Variants in EHMT2 observed in about 807,000 individuals in gnomAD.
The protein encoded by EHMT2 is histone-lysine N-methyltransferase EHMT2.
EHMT2 carries 59 observed loss-of-function variants against 143.3 expected under a neutral mutation model. The ratio of observed to expected loss-of-function variants is 0.41; its 90% confidence interval spans 0.33 to 0.51. The LOEUF (loss-of-function observed/expected upper bound fraction) is 0.51. EHMT2 is among the 20% of genes least tolerant of loss of function. EHMT2 has a pLI of 0.18. For missense variants in EHMT2, 1,174 were observed against 1,645.9 expected (o/e 0.71, Z 4.96); for synonymous variants, 604 against 651.5 (o/e 0.93, Z 1.11).
At chr6:31,892,833 C>T (rs1765882712) in exon 5 of EHMT2, 4 of 1,606,804 alleles carry the variant, frequency 2.5e-6, no homozygotes, top group Admixed American at 1.7e-5. Context: ...GACCTGAGGT[C>T]ACCTTTCCCA....
At position 31,884,286 on chromosome 6, in the gene EHMT2, G is replaced by A; in HGVS notation, c.2771+106C>T. 1 of 1,340,868 alleles carries A rather than the reference G, an allele frequency of 7.5e-7. No individual in the cohort carries two copies. The highest frequency in any genetic ancestry group is 1.0e-6 in the Non-Finnish European group (1 of 984,312). The allele number at this position is 1,340,868 out of a possible 1,614,324, so 83.1% of individuals were successfully genotyped here. ...TGTGGGTGGTTCTGGGGATTCAGTGGTGCATGGGGAGGGGTTGGGGAATGT... is the reference window on the plus strand; with the variant it reads ...TGTGGGTGGTTCTGGGGATTCAGTGATGCATGGGGAGGGGTTGGGGAATGT... On this transcript the variant is annotated intron_variant, in intron 21 of 27. Transcript: ENST00000375537. The surrounding 1 kb of genome is among the most constrained non-coding windows in gnomAD (Gnocchi z 7.3).
At chr6:31,887,201 A>G (rs1433383148) in intron 15 of EHMT2, 100 bp from the exon 16 acceptor site, 5 of 996,082 alleles carry the variant, frequency 5.0e-6, no homozygotes, top group Non-Finnish European at 7.5e-6. Flanking sequence ...CAGGGCCCCA[A>G]GCTGGATCAG....
chr6:31,879,978 G>C, exon 28 of EHMT2: 1 of 1,273,078 alleles, frequency 7.9e-7, no homozygotes, highest in South Asian at 1.4e-5. Context: ...GGGTGGTGGG[G>C]AGAGAAGATG....
At chr6:31,897,134 GC>G in intron 1 of EHMT2, 145 bp from the exon 2 acceptor site, 1 of 1,383,882 alleles carries the variant, frequency 7.2e-7, no homozygotes, top group Non-Finnish European at 9.4e-7. Flanking sequence ...GGCCTCGGCT[GC>G]CCGGAGGGGC....
chr6:31,889,293 C>T lies in EHMT2; in HGVS notation c.1049G>A (p.Ser350Asn), dbSNP rs370577451. Residue 350 changes from serine (S) to asparagine (N), a missense_variant, in exon 9 of 28, where the codon AGC (serine) becomes AAC (asparagine). Coordinates refer to ENST00000375537, the Ensembl canonical transcript of EHMT2. The surrounding 1 kb of genome is among the most constrained non-coding windows in gnomAD (Gnocchi z 5.1). ...TTTCCGAGACGGCTTCACCCATGGGCTGTCTTTTCGCCATTTCTTCTTGGC... is the reference window on the plus strand; with the variant it reads ...TTTCCGAGACGGCTTCACCCATGGGTTGTCTTTTCGCCATTTCTTCTTGGC... The T allele has an allele frequency of 7.2e-5, 116 of 1,612,328 alleles. No homozygotes were observed. The highest frequency in any genetic ancestry group is 9.6e-5 in the Non-Finnish European group (113 of 1,180,016).
At position 31,883,292 on chromosome 6, in the gene EHMT2, C is replaced by G; in HGVS notation, c.2994+70G>C. ...AGGTGAGGGACATGGTCCCAGGGAG[C>G]TGGTTTATTGGAGGCTGGCTCCTCT... is the stretch of plus-strand genomic sequence containing the variant. On this transcript the variant is annotated intron_variant, in intron 23 of 27. Coordinates refer to ENST00000375537, the Ensembl canonical transcript of EHMT2. This position sits in a 1 kb window ranked among gnomAD's most constrained non-coding sequence, Gnocchi z 5.6. 3 of 1,489,698 alleles carry G rather than the reference C, an allele frequency of 2.0e-6. No individual in the cohort carries two copies. Among genetic ancestry groups the G allele is most frequent in the Non-Finnish European group, 2.8e-6 (3 of 1,074,374 alleles). 92.3% of individuals were successfully genotyped at this position (1,489,698 alleles called of 1,614,324 possible).
rs1178333315 is a variant in EHMT2 at position 31,883,475 on chromosome 6, G to C, written c.2917-36C>G. 1.3e-6 allele frequency: 2 copies of C among 1,591,016 alleles called. No individual in the cohort carries two copies. Among genetic ancestry groups the C allele is most frequent in the South Asian group, 2.3e-5 (2 of 88,684 alleles). On this transcript the variant is annotated intron_variant, in intron 22 of 27. Transcript: ENST00000375537. The surrounding 1 kb of genome is among the most constrained non-coding windows in gnomAD (Gnocchi z 5.6). ...GAGGCAGAGGTCAGCTCAACCCCAT[G>C]ATCGGTCTGGGCCCCTCTACTCTTG... is the stretch of plus-strand genomic sequence containing the variant.
chr6:31,884,801 T>C lies in EHMT2; in HGVS notation c.2449-2A>G. The C allele has an allele frequency of 6.3e-7, 1 of 1,595,864 alleles. No individual in the cohort carries two copies. The highest frequency in any genetic ancestry group is 1.3e-5 in the African/African-American group (1 of 74,436). On this transcript the variant is annotated splice_acceptor_variant, in intron 19 of 27. Coordinates refer to ENST00000375537, the Ensembl canonical transcript of EHMT2. LOFTEE classifies it high-confidence loss of function. This position sits in a 1 kb window ranked among gnomAD's most constrained non-coding sequence, Gnocchi z 7.3. ...CCAGTGCAGGCAGATGTTCTCCTCCTGTGGAGGTAGGAGGGGAACAGATGA... is the reference window on the plus strand; with the variant it reads ...CCAGTGCAGGCAGATGTTCTCCTCCCGTGGAGGTAGGAGGGGAACAGATGA...
Position 31,884,833 on chromosome 6 carries a change from G to C in EHMT2, c.2449-34C>G. 3 of 1,579,894 alleles carry C rather than the reference G, an allele frequency of 1.9e-6. No homozygotes were observed. The highest frequency in any genetic ancestry group is 2.6e-6 in the Non-Finnish European group (3 of 1,157,922). On this transcript the variant is annotated intron_variant, in intron 19 of 27. Transcript: ENST00000375537. This position sits in a 1 kb window ranked among gnomAD's most constrained non-coding sequence, Gnocchi z 7.3. ...GTAGGAGGGGAACAGATGAGGTGCA[G>C]GCAGCTGGGCCCTTGAATCCAGCCT...
In EHMT2 at chr6:31,883,080, G is replaced by C. The variant is rs1764324301; in HGVS notation, c.2995-71C>G. 7.2e-7 allele frequency: 1 copy of C among 1,380,942 alleles called. No homozygotes were observed. The highest frequency in any genetic ancestry group is 1.4e-5 in the African/African-American group (1 of 70,126). 85.5% of individuals were successfully genotyped at this position (1,380,942 alleles called of 1,614,324 possible). On this transcript the variant is annotated intron_variant, in intron 23 of 27. Coordinates refer to ENST00000375537, the Ensembl canonical transcript of EHMT2. This position sits in a 1 kb window ranked among gnomAD's most constrained non-coding sequence, Gnocchi z 5.6. Reference sequence around the variant, plus strand: ...TCAGCTGCCCACCCAGGAACCCCAAGACTCTACAGAGACAGGGAAGTTGGG... The same window carrying C: ...TCAGCTGCCCACCCAGGAACCCCAACACTCTACAGAGACAGGGAAGTTGGG...
intron 15 of EHMT2, 32 bp from the exon 16 acceptor site, chr6:31,887,133 G>C (rs1764973974): frequency 1.3e-6 from 2 of 1,562,080 alleles, no homozygotes; most frequent in African/African-American, 2.7e-5. Context: ...CCGGGAGAGG[G>C]AGGGACAAGT....
At position 31,897,284 on chromosome 6, in the gene EHMT2, C is replaced by A. The variant is rs1432647089; in HGVS notation, c.43-295G>T. On this transcript the variant is annotated intron_variant, in intron 1 of 27. Transcript: ENST00000375537. ...GCCCCCTCCTCCCGGCTGCACGCGC[C>A]GCTCCCCCTTTGTCCCCCAGGCCGC... The A allele has an allele frequency of 5.1e-6, 4 of 783,124 alleles. No individual in the cohort carries two copies. The African/African-American group carries it at 7.3e-5, about 14-fold the overall frequency. 48.5% of individuals were successfully genotyped at this position (783,124 alleles called of 1,614,324 possible). A position where few individuals can be genotyped will look rare whatever the true frequency, so the allele number is the denominator to read the frequency against.
chr6:31,886,653 G>A lies in EHMT2; in HGVS notation c.2271C>T (p.His757=), dbSNP rs536360925. ...TCTCCAAGTTCCCGATTTTGGCTGC[G>A]TGGTGGAGGCAGGTGGAACCGTCCT... Residue 757 remains histidine (H), a synonymous_variant, in exon 18 of 28, where the codon CAC becomes CAT. Transcript: ENST00000375537. 27 of 1,613,868 alleles carry A rather than the reference G, an allele frequency of 1.7e-5. 1 individual carries two copies. In the Admixed American group the frequency reaches 3.8e-4, roughly 23 times the overall value.
exon 7 of EHMT2, chr6:31,892,518 C>T (rs1316095279): frequency 1.2e-6 from 2 of 1,612,930 alleles, no homozygotes; most frequent in Admixed American, 3.3e-5. Flanking sequence ...CCCCTTTCGT[C>T]AGGGTCACTT....
In EHMT2 at chr6:31,888,563, C is replaced by A; in HGVS notation, c.1365+36G>T. The stretch of plus-strand genomic sequence containing the variant: ...CGTGAGGCTGGGGCCGGGGACTGGA[C>A]GCCCTGGCACCTCTCCCACCAGCCC... On this transcript the variant is annotated intron_variant, in intron 11 of 27. Coordinates refer to ENST00000375537, the Ensembl canonical transcript of EHMT2. The surrounding 1 kb of genome is among the most constrained non-coding windows in gnomAD (Gnocchi z 7.4). 1 of 1,609,152 alleles carries A rather than the reference C, an allele frequency of 6.2e-7. No homozygotes were observed. The highest frequency in any genetic ancestry group is 8.5e-7 in the Non-Finnish European group (1 of 1,178,442).
exon 4 of EHMT2, chr6:31,896,464 A>G: frequency 6.2e-7 from 1 of 1,613,050 alleles, no homozygotes; most frequent in Non-Finnish European, 8.5e-7. Flanking sequence ...TGGCCCGGCT[A>G]GGACAGGAAC....
In EHMT2 at chr6:31,883,469, C is replaced by T; in HGVS notation, c.2917-30G>A. Reference sequence around the variant, plus strand: ...GGCGAGGAGGCAGAGGTCAGCTCAACCCCATGATCGGTCTGGGCCCCTCTA... The same window carrying T: ...GGCGAGGAGGCAGAGGTCAGCTCAATCCCATGATCGGTCTGGGCCCCTCTA... On this transcript the variant is annotated intron_variant, in intron 22 of 27. Transcript: ENST00000375537. The surrounding 1 kb of genome is among the most constrained non-coding windows in gnomAD (Gnocchi z 5.6). 6.2e-7 allele frequency: 1 copy of T among 1,602,096 alleles called. No homozygotes were observed. The highest frequency in any genetic ancestry group is 8.5e-7 in the Non-Finnish European group (1 of 1,174,284).
At position 31,889,686 on chromosome 6, in the gene EHMT2, C is replaced by G. The variant is rs1046765096; in HGVS notation, c.865-84G>C. ...AAAGAAAACCACCACCACCATTGCC[C>G]CCCGCCACTACCCACGGATGGCTGC... On this transcript the variant is annotated intron_variant, in intron 7 of 27. Transcript: ENST00000375537. This position sits in a 1 kb window ranked among gnomAD's most constrained non-coding sequence, Gnocchi z 5.1. The G allele has an allele frequency of 2.4e-4, 375 of 1,554,212 alleles. 1 individual carries two copies. The African/African-American group carries it at 3.8e-3, about 16-fold the overall frequency.
At position 31,884,095 on chromosome 6, in the gene EHMT2, CAT is replaced by C; in HGVS notation, c.2772-147_2772-146del. The C allele has an allele frequency of 9.8e-6, 9 of 920,372 alleles. No individual in the cohort carries two copies. In the South Asian group the frequency reaches 1.4e-4, roughly 15 times the overall value. The allele number at this position is 920,372 out of a possible 1,614,324, so 57.0% of individuals were successfully genotyped here. A position where few individuals can be genotyped will look rare whatever the true frequency, so the allele number is the denominator to read the frequency against. ...GGTAAGATGCAGGACAGCGAGTTAA[CAT>C]AGAATTTTAGATAAACAAGAAATAG... On this transcript the variant is annotated intron_variant, in intron 21 of 27. Transcript: ENST00000375537. The surrounding 1 kb of genome is among the most constrained non-coding windows in gnomAD (Gnocchi z 7.3).
Sources: gnomAD v4.1 joint callset for allele counts on GRCh38, gnomAD v4.1.1 for gene constraint, Gnocchi (gnomAD v3.1) non-coding constraint, MANE v1.5 for transcripts, NCBI Gene and HGNC (gene_info 2026-07-23, HGNC 2026-07-21) for gene names.